WDR17: variants seen among roughly 807,000 people sequenced by gnomAD.
WDR17 encodes WD repeat-containing protein 17.
WDR17 carries 143 observed loss-of-function variants against 161.7 expected under a neutral mutation model. The ratio of observed to expected loss-of-function variants is 0.88; its 90% CI spans 0.77 to 1.02. The LOEUF is 1.02. Ranked by LOEUF, WDR17 falls within the 50% of genes least tolerant of loss-of-function variation. WDR17 has a pLI of 0.00. For missense variants in WDR17, 1,469 were observed against 1,520.9 expected, an observed-to-expected ratio of 0.97 and a Z score of 0.57; for synonymous variants, 517 against 515.6, an observed-to-expected ratio of 1.00 and a Z score of -0.04.
intron 25 of WDR17, among the ~76,000 whole-genome samples, chr4:176,173,643 C>G (rs1233831793): frequency 2.0e-5 from 3 of 151,922 alleles, no homozygotes; most frequent in African/African-American, 7.3e-5. Flanking sequence ...CAGCCTCCCG[C>G]GTAGCTGGTA....
intron 1 of WDR17, among the ~76,000 whole-genome samples, chr4:176,091,803 C>T (rs1736158898): frequency 6.6e-6 from 1 of 151,972 alleles, no homozygotes; most frequent in Non-Finnish European, 1.5e-5. Flanking sequence ...ACTGATACTA[C>T]AGAAATTCAA....
chr4:176,131,343 T>C (rs1743415353), intron 6 of WDR17, among the ~76,000 whole-genome samples: 1 of 152,158 alleles, frequency 6.6e-6, no homozygotes, highest in Non-Finnish European at 1.5e-5. Context: ...TTTTCATCTA[T>C]TTGCTCCATC....
intron 25 of WDR17, 137 bp from the exon 26 acceptor site, chr4:176,174,480 A>G (rs929039226): frequency 1.8e-5 from 9 of 502,646 alleles, no homozygotes; most frequent in Non-Finnish European, 3.0e-5. Context: ...ATTTTCCTTA[A>G]GTTTAGAAAA....
At chr4:176,132,710 C>A (rs1234665900) in intron 7 of WDR17, among the ~76,000 whole-genome samples, 1 of 151,756 alleles carries the variant, frequency 6.6e-6, no homozygotes, top group Non-Finnish European at 1.5e-5. Context: ...ATTTAATTTT[C>A]TTTTCACTTT....
chr4:176,122,045 T>C (rs1414307655), intron 4 of WDR17, among the ~76,000 whole-genome samples: 3 of 152,172 alleles, frequency 2.0e-5, no homozygotes, highest in Non-Finnish European at 2.9e-5. Context: ...ACAGCATAAA[T>C]TTTATTATCT....
intron 11 of WDR17, among the ~76,000 whole-genome samples, chr4:176,144,881 T>C (rs1745914252): frequency 6.6e-6 from 1 of 151,992 alleles, no homozygotes; most frequent in African/African-American, 2.4e-5. Flanking sequence ...TGTATATACA[T>C]ATATATAAAA....
intron 3 of WDR17, 65 bp from the exon 4 acceptor site, chr4:176,119,802 G>T (rs1362447178): frequency 2.9e-6 from 4 of 1,361,078 alleles, no homozygotes; most frequent in South Asian, 1.2e-5. Context: ...AACAGGGCAA[G>T]TAATATTTAA....
At chr4:176,153,282 C>T (rs1747532320) in intron 17 of WDR17, among the ~76,000 whole-genome samples, 1 of 152,188 alleles carries the variant, frequency 6.6e-6, no homozygotes, top group African/African-American at 2.4e-5. Context: ...CTTGTCATAA[C>T]TAAATCCCAC....
intron 4 of WDR17, among the ~76,000 whole-genome samples, chr4:176,124,097 A>C (rs940954492): frequency 6.6e-6 from 1 of 152,206 alleles, no homozygotes; most frequent in Non-Finnish European, 1.5e-5. Flanking sequence ...TCAATTCTGT[A>C]ATTATGGGAT....
chr4:176,134,412 T>C (rs1352599779), intron 7 of WDR17, among the ~76,000 whole-genome samples: 2 of 151,752 alleles, frequency 1.3e-5, no homozygotes, highest in African/African-American at 4.8e-5. Flanking sequence ...TAACGGATTT[T>C]CCCAAAGGCC....
At chr4:176,133,378 TAAAAAA>T (rs571544131) in intron 7 of WDR17, among the ~76,000 whole-genome samples, 2 of 72,994 alleles carry the variant, frequency 2.7e-5, no homozygotes, top group Non-Finnish European at 5.8e-5. Flanking sequence ...TCTACTAAGC[TAAAAAA>T]AAAAAAAAAA....
At position 176,119,978 on chromosome 4, in the gene WDR17, T is replaced by C. The variant is rs1482241709; in HGVS notation, c.419T>C (p.Ile140Thr). Residue 140 changes from isoleucine to threonine, a missense_variant, in exon 4 of 29, where the codon ATT becomes ACT. Coordinates refer to ENST00000508596, the MANE Select transcript of WDR17 (RefSeq NM_181265.4). ...ATCTCAGGACCAGATAGTGGAGTGA[T>C]TGTACACAAAGATGCTCATAGCTTC... ...WTISGPDSGV[I>T]VHKDAHSFLS... 4.3e-6 allele frequency: 7 copies of C among 1,613,928 alleles called. No homozygotes were observed. The highest frequency in any genetic ancestry group is 1.1e-5 in the South Asian group (1 of 91,066).
intron 18 of WDR17, among the ~76,000 whole-genome samples, chr4:176,159,262 TACACACACACATGCACACACAC>T (rs1561197339): frequency 7.5e-6 from 1 of 133,200 alleles, no homozygotes; most frequent in Admixed American, 7.2e-5. Context: ...GATGGGAAGA[TACACACACACATGCACACACAC>T]ACACACACAC....
chr4:176,112,458 A>G (rs1739920964), intron 2 of WDR17, among the ~76,000 whole-genome samples: 2 of 152,228 alleles, frequency 1.3e-5, no homozygotes, highest in South Asian at 2.1e-4. Flanking sequence ...TAAACTTCAT[A>G]AAATGGCATT....
At chr4:176,104,521 T>G (rs1026577460) in intron 1 of WDR17, among the ~76,000 whole-genome samples, 14 of 152,052 alleles carry the variant, frequency 9.2e-5, no homozygotes, top group African/African-American at 3.4e-4. Flanking sequence ...CTAATGTATT[T>G]AAAATAATTA....
At chr4:176,103,600 C>CA (rs1041654549) in intron 1 of WDR17, among the ~76,000 whole-genome samples, 2 of 150,868 alleles carry the variant, frequency 1.3e-5, no homozygotes, top group African/African-American at 4.9e-5. Context: ...GATAGAAAAC[C>CA]AAAAAAAGAA....
intron 6 of WDR17, among the ~76,000 whole-genome samples, chr4:176,129,447 A>T (rs1201314817): frequency 1.3e-5 from 2 of 152,082 alleles, no homozygotes; most frequent in African/African-American, 4.8e-5. Context: ...AAAAAGGAAA[A>T]ATCTGGAAAT....
chr4:176,080,348 C>T (rs1322194093), intron 1 of WDR17, among the ~76,000 whole-genome samples: 3 of 150,390 alleles, frequency 2.0e-5, no homozygotes, highest in Middle Eastern at 3.2e-3. Flanking sequence ...ATGGGATCAC[C>T]GAGAGAACCG....
intron 22 of WDR17, among the ~76,000 whole-genome samples, chr4:176,167,922 G>T (rs973818655): frequency 1.3e-4 from 19 of 151,850 alleles, no homozygotes; most frequent in Non-Finnish European, 1.9e-4. Flanking sequence ...CAAGGTGGGT[G>T]GATCACTTGA....
Sources: allele counts gnomAD v4.1 joint callset (sites outside exome capture counted in the v4.1 genomes callset), GRCh38; gene constraint gnomAD v4.1.1; transcripts MANE v1.5; gene names NCBI Gene and HGNC (gene_info 2026-07-23, HGNC 2026-07-21).